Variants in CYP11A1 observed in about 807,000 individuals in gnomAD.
The protein encoded by CYP11A1 is cholesterol side-chain cleavage enzyme, mitochondrial.
In CYP11A1, 25 loss-of-function variants were observed where a neutral mutation model predicts 51.9. The ratio of observed to expected loss-of-function variants is 0.48; its 90% CI spans 0.35 to 0.67. The LOEUF (loss-of-function observed/expected upper bound fraction) is 0.67, where lower values mean the gene tolerates loss of function less well. Among genes scored for constraint, CYP11A1 ranks in the 30% least tolerant of loss-of-function variants. The pLI is 0.00. For synonymous variants in CYP11A1, 245 were observed against 262.1 expected (o/e 0.93, Z 0.63); for missense variants, 578 against 680.9 (o/e 0.85, Z 1.68).
intron 3 of CYP11A1, among the ~76,000 whole-genome samples, chr15:74,344,557 G>A (rs2060623062): frequency 6.6e-6 from 1 of 152,096 alleles, no homozygotes; most frequent in South Asian, 2.1e-4. Context: ...CAAGCCACAG[G>A]GCCTTTGTAT....
rs780119260 is a variant in CYP11A1 at position 74,367,384 on chromosome 15, C to T, written c.202G>A (p.Glu68Lys). The change falls in exon 1 of 9, where the codon GAG becomes AAG. Residue 68 changes from glutamate to lysine, a missense_variant. Glu to Lys is a moderately conservative substitution (Grantham distance 56). Coordinates refer to ENST00000268053, the MANE Select transcript of CYP11A1 (RefSeq NM_000781.3). Reference sequence around the variant, plus strand: ...AGGTGGACTTTGTGTGTGCCCGTCTCCCTCCAGAAATGGTACAGGTTTAGC... The same window carrying T: ...AGGTGGACTTTGTGTGTGCCCGTCTTCCTCCAGAAATGGTACAGGTTTAGC... ...GWLNLYHFWR[E>K]TGTHKVHLHH... 7.4e-6 allele frequency: 12 copies of T among 1,614,084 alleles called. No individual in the cohort carries two copies. The African/African-American group carries it at 1.2e-4, about 16-fold the overall frequency.
At chr15:74,365,766 G>T (rs955419816) in intron 1 of CYP11A1, 60 of 985,452 alleles carry the variant, frequency 6.1e-5, no homozygotes, top group Non-Finnish European at 6.9e-5. Flanking sequence ...TCGGGTGAAC[G>T]CAGCGAGCGA....
Position 74,338,052 on chromosome 15 carries a change from T to C in CYP11A1, c.1486A>G (p.Thr496Ala), listed in dbSNP as rs1353204705. ...TCAGGCATCAGAATGAGGTTGAATGTGGTGCCCACATCGCTGAGGTGTTGG... is the reference window on the plus strand; with the variant it reads ...TCAGGCATCAGAATGAGGTTGAATGCGGTGCCCACATCGCTGAGGTGTTGG... ...EIQHLSDVGT[T>A]FNLILMPEKP... The change falls in exon 9 of 9, where the codon ACA becomes GCA. Residue 496 changes from threonine to alanine, a missense_variant. Physicochemically the swap from Thr to Ala is moderately conservative, Grantham distance 58. Transcript: ENST00000268053. 1 of 1,614,108 alleles carries C rather than the reference T, an allele frequency of 6.2e-7. No homozygotes were observed. Among genetic ancestry groups the C allele is most frequent in the Non-Finnish European group, 8.5e-7 (1 of 1,180,040 alleles).
chr15:74,342,492 G>A (rs2060611659), intron 5 of CYP11A1, among the ~76,000 whole-genome samples: 1 of 152,202 alleles, frequency 6.6e-6, no homozygotes, highest in South Asian at 2.1e-4. Flanking sequence ...GGGTACTGAG[G>A]TCTGGAAAGG....
intron 1 of CYP11A1, among the ~76,000 whole-genome samples, chr15:74,360,743 A>C (rs1210777143): frequency 2.6e-5 from 4 of 152,184 alleles, no homozygotes; most frequent in Middle Eastern, 3.4e-3. Flanking sequence ...ATCTCTAGTA[A>C]AAATACAAAA....
intron 1 of CYP11A1, chr15:74,361,682 A>G: frequency 8.2e-7 from 1 of 1,222,446 alleles, no homozygotes; most frequent in Non-Finnish European, 1.2e-6. Flanking sequence ...CTGGAGAGGA[A>G]GGATTTGGTT....
chr15:74,359,297 T>C (rs956244059), intron 1 of CYP11A1, among the ~76,000 whole-genome samples: 1 of 152,128 alleles, frequency 6.6e-6, no homozygotes, highest in Admixed American at 6.5e-5. Flanking sequence ...CATTGCCCAT[T>C]ATCTCTCCAT....
At chr15:74,342,176 G>A (rs1469152977) in intron 5 of CYP11A1, among the ~76,000 whole-genome samples, 3 of 152,108 alleles carry the variant, frequency 2.0e-5, no homozygotes, top group African/African-American at 7.2e-5. Flanking sequence ...TCTGCCTCAC[G>A]GGTTCAAGCG....
intron 6 of CYP11A1, 55 bp downstream of exon 6, chr15:74,339,532 C>A: frequency 6.3e-7 from 1 of 1,599,600 alleles, no homozygotes; most frequent in Non-Finnish European, 8.5e-7. Flanking sequence ...CGGGCACTTC[C>A]CTGGCCCTGC....
chr15:74,349,460 A>G (rs574893059), intron 1 of CYP11A1, among the ~76,000 whole-genome samples: 52 of 152,260 alleles, frequency 3.4e-4, no homozygotes, highest in African/African-American at 1.2e-3. Flanking sequence ...GCCTACCTTG[A>G]TGAGTTTCAG....
intron 2 of CYP11A1, among the ~76,000 whole-genome samples, chr15:74,347,373 A>AC (rs971184111): frequency 2.0e-5 from 3 of 152,196 alleles, no homozygotes; most frequent in Non-Finnish European, 4.4e-5. Context: ...AAACCACTGC[A>AC]CTCCAGCCTG....
intron 6 of CYP11A1, 46 bp from the exon 7 acceptor site, chr15:74,339,361 C>G: frequency 6.3e-7 from 1 of 1,582,676 alleles, no homozygotes; most frequent in Non-Finnish European, 8.7e-7. Context: ...AAAGGCTGGA[C>G]ACAGCCGCCG....
At chr15:74,339,154 C>T (rs2060593830) in intron 7 of CYP11A1, 83 bp downstream of exon 7, 2 of 1,204,360 alleles carry the variant, frequency 1.7e-6, no homozygotes, top group Non-Finnish European at 2.5e-6. Flanking sequence ...CACCAGGGCC[C>T]CAGTGCCACC....
intron 5 of CYP11A1, among the ~76,000 whole-genome samples, chr15:74,342,324 C>T (rs553216099): frequency 3.4e-4 from 52 of 152,246 alleles, no homozygotes; most frequent in African/African-American, 1.2e-3. Context: ...CCTCATGATC[C>T]GCCCACCTCT....
chr15:74,353,570 T>C (rs1409192062), intron 1 of CYP11A1, among the ~76,000 whole-genome samples: 2 of 152,226 alleles, frequency 1.3e-5, no homozygotes, highest in African/African-American at 4.8e-5. Context: ...GGATGTATGA[T>C]AATATTAGTG....
intron 1 of CYP11A1, among the ~76,000 whole-genome samples, chr15:74,349,001 C>T (rs978604799): frequency 1.4e-4 from 21 of 152,306 alleles, no homozygotes; most frequent in African/African-American, 4.8e-4. Context: ...GCTGGGATGG[C>T]AGGTTTGAGC....
intron 2 of CYP11A1, among the ~76,000 whole-genome samples, chr15:74,346,800 C>CTTTTTTTTTTT (rs1046360822): frequency 7.6e-6 from 1 of 131,768 alleles, no homozygotes; most frequent in African/African-American, 2.8e-5. Flanking sequence ...CTTTTCTTTT[C>CTTTTTTTTTTT]TTTTTTTTTT....
At chr15:74,357,590 G>C (rs1050855192) in intron 1 of CYP11A1, among the ~76,000 whole-genome samples, 2 of 152,122 alleles carry the variant, frequency 1.3e-5, no homozygotes, top group Non-Finnish European at 2.9e-5. Flanking sequence ...TCCTCTTTCT[G>C]TTCCTTAAAA....
At chr15:74,338,217 A>G in intron 8 of CYP11A1, 114 bp from the exon 9 acceptor site, 1 of 1,244,616 alleles carries the variant, frequency 8.0e-7, no homozygotes. Flanking sequence ...AGTTCCAAGG[A>G]GTTCACCACC....
Sources: allele counts gnomAD v4.1 joint callset (sites outside exome capture counted in the v4.1 genomes callset), GRCh38; gene constraint gnomAD v4.1.1; transcripts MANE v1.5; gene names NCBI Gene and HGNC (gene_info 2026-07-23, HGNC 2026-07-21).